DYDC2: variants seen among roughly 807,000 people sequenced by gnomAD.
DYDC2 encodes the protein DPY30 domain-containing protein 2.
In DYDC2, 19 loss-of-function variants were observed where a neutral mutation model predicts 18.7. The observed-to-expected ratio is 1.02, with a 90% CI of 0.71 to 1.49. The LOEUF (loss-of-function observed/expected upper bound fraction) is 1.49, where lower values mean the gene tolerates loss of function less well. Among genes scored for constraint, DYDC2 ranks in the 40% most tolerant of loss-of-function variants. The pLI is 0.00. For synonymous variants in DYDC2, 63 were observed against 67.6 expected (o/e 0.93, Z 0.34); for missense variants, 179 against 205.1 (o/e 0.87, Z 0.78).
At chr10:80,362,375 C>T (rs1234038272) in intron 2 of DYDC2, 60 bp from the exon 3 acceptor site, 3 of 1,558,772 alleles carry the variant, frequency 1.9e-6, no homozygotes, top group Non-Finnish European at 2.6e-6. Context: ...TAGAATGTGT[C>T]TATTTTTAAT....
chr10:80,354,623 G>T (rs1564668475), upstream of DYDC2: 2 of 152,142 alleles, frequency 1.3e-5, no homozygotes, highest in Non-Finnish European at 2.9e-5. Context: ...CCAATGTGAT[G>T]GTATTAGGAG....
At position 80,362,931 on chromosome 10, in the gene DYDC2, A is replaced by C. The variant is rs372569725; in HGVS notation, c.148-20A>C. The stretch of plus-strand genomic sequence containing the variant: ...CTTCCCTGGTTGCTGACCTGATTTG[A>C]CTCTGTCACCTCACCCCAGAATAGG... On this transcript the variant is annotated intron_variant, in intron 3 of 4. Coordinates refer to ENST00000256039, the MANE Select transcript of DYDC2 (RefSeq NM_032372.6). 6.2e-7 allele frequency: 1 copy of C among 1,608,434 alleles called. No homozygotes were observed. Among genetic ancestry groups the C allele is most frequent in the African/African-American group, 1.3e-5 (1 of 74,728 alleles).
chr10:80,352,684 G>T, upstream of DYDC2: 1 of 1,485,428 alleles, frequency 6.7e-7, no homozygotes, highest in Non-Finnish European at 8.9e-7. Flanking sequence ...GTCCAGTGAG[G>T]TGAACAAAGC....
At position 80,349,537 on chromosome 10, in the gene DYDC2, C is replaced by A. The variant is rs1228741177; in HGVS notation, c.-310+4722C>A. On this transcript the variant is annotated intron_variant, in intron 1 of 4. Coordinates refer to the DYDC2 transcript ENST00000372197. The stretch of plus-strand genomic sequence containing the variant: ...AATAAAGTGCTTGATATTTTATTTG[C>A]AAAAGCTTTTAAAGGTAATTTCTTA... Among the ~76,000 whole-genome samples the A allele has an allele frequency of 3.9e-5, 6 of 152,164 alleles. No individual in the cohort carries two copies. The East Asian group carries it at 1.2e-3, about 29-fold the overall frequency.
intron 1 of DYDC2, among the ~76,000 whole-genome samples, chr10:80,348,071 T>C (rs918949439): frequency 2.0e-5 from 3 of 152,212 alleles, no homozygotes; most frequent in Non-Finnish European, 2.9e-5. Context: ...CAATACTAAC[T>C]CTTCTGATAT....
intron 2 of DYDC2, among the ~76,000 whole-genome samples, chr10:80,359,520 C>G (rs4468295): frequency 0.75 from 114,514 of 151,790 alleles, 44,079 homozygotes; most frequent in East Asian, 0.97. Context: ...CTTGGGCGGT[C>G]GATGGGACCG....
intron 1 of DYDC2, among the ~76,000 whole-genome samples, chr10:80,350,178 G>A (rs867175852): frequency 2.0e-5 from 3 of 152,020 alleles, no homozygotes; most frequent in South Asian, 4.1e-4. Context: ...TTTCTCTTCC[G>A]CCCTACTACA....
At chr10:80,362,299 G>C in intron 2 of DYDC2, 136 bp from the exon 3 acceptor site, 1 of 1,252,364 alleles carries the variant, frequency 8.0e-7, no homozygotes. Context: ...AGTGTTTGTT[G>C]GTTCTTTTGG....
intron 2 of DYDC2, among the ~76,000 whole-genome samples, chr10:80,361,721 C>G (rs908656367): frequency 6.6e-6 from 1 of 152,194 alleles, no homozygotes; most frequent in Non-Finnish European, 1.5e-5. Flanking sequence ...CCATTACAGT[C>G]ACTATTTTAA....
intron 4 of DYDC2, among the ~76,000 whole-genome samples, chr10:80,364,796 G>A (rs186653601): frequency 1.3e-5 from 2 of 152,222 alleles, no homozygotes; most frequent in Non-Finnish European, 2.9e-5. Flanking sequence ...AGGAAATAAA[G>A]AGAACCCAAG....
At chr10:80,365,894 T>C (rs1934693) in intron 4 of DYDC2, among the ~76,000 whole-genome samples, 114,632 of 151,924 alleles carry the variant, frequency 0.75, 44,146 homozygotes, top group East Asian at 0.97. Flanking sequence ...AATATAATTC[T>C]CATTTTCTCT....
chr10:80,361,181 C>A (rs578144856), intron 2 of DYDC2, among the ~76,000 whole-genome samples: 6 of 151,282 alleles, frequency 4.0e-5, no homozygotes, highest in Non-Finnish European at 8.8e-5. Flanking sequence ...TTTTTTCATA[C>A]CCTCAACATT....
At chr10:80,345,539 T>C (rs1345957932) in intron 1 of DYDC2, among the ~76,000 whole-genome samples, 2 of 152,162 alleles carry the variant, frequency 1.3e-5, no homozygotes, top group Non-Finnish European at 2.9e-5. Flanking sequence ...ACTACACAAT[T>C]GCAATTTTGT....
intron 2 of DYDC2, among the ~76,000 whole-genome samples, chr10:80,361,418 C>T (rs1353278135): frequency 6.6e-6 from 1 of 152,090 alleles, no homozygotes; most frequent in Non-Finnish European, 1.5e-5. Flanking sequence ...TTCTGTATTT[C>T]CTTTGGAATT....
At chr10:80,362,354 T>C (rs1251718031) in intron 2 of DYDC2, 81 bp from the exon 3 acceptor site, 2 of 1,512,004 alleles carry the variant, frequency 1.3e-6, no homozygotes, top group Admixed American at 4.1e-5. Flanking sequence ...CTGAAATAAA[T>C]CTGAATTGGT....
intron 3 of DYDC2, 47 bp downstream of exon 3, chr10:80,362,637 T>A: frequency 1.3e-6 from 2 of 1,550,290 alleles, no homozygotes; most frequent in Non-Finnish European, 1.7e-6. Flanking sequence ...TTTCCCAGAG[T>A]AATTTGAAAG....
intron 4 of DYDC2, among the ~76,000 whole-genome samples, chr10:80,365,210 T>A (rs1934696): frequency 6.6e-6 from 1 of 152,058 alleles, no homozygotes; most frequent in African/African-American, 2.4e-5. Flanking sequence ...TCTTTAAGTA[T>A]CCCAGATTGA....
At chr10:80,345,374 C>T (rs1179562394) in intron 1 of DYDC2, among the ~76,000 whole-genome samples, 4 of 152,006 alleles carry the variant, frequency 2.6e-5, no homozygotes, top group Non-Finnish European at 5.9e-5. Context: ...GAATGCTTAC[C>T]ACAGGTAAGC....
At chr10:80,354,000 C>T (rs919419872), upstream of DYDC2, among the ~76,000 whole-genome samples, 1 of 151,902 alleles carries the variant, frequency 6.6e-6, no homozygotes, top group African/African-American at 2.4e-5. Flanking sequence ...CCTGTAGTCC[C>T]AGCTACTTGG....
Sources: allele counts gnomAD v4.1 joint callset (sites outside exome capture counted in the v4.1 genomes callset), GRCh38; gene constraint gnomAD v4.1.1; transcripts MANE v1.5; gene names NCBI Gene and HGNC (gene_info 2026-07-23, HGNC 2026-07-21).